Variants in CBFA2T3 observed in about 807,000 individuals in gnomAD.
CBFA2T3 encodes the protein transcriptional corepressor CBFA2T3.
CBFA2T3 carries 31 observed loss-of-function variants against 58.6 expected under a neutral mutation model. That is an observed-to-expected ratio of 0.53 (90% CI 0.40 to 0.71). The LOEUF is 0.71. Among genes scored for constraint, CBFA2T3 ranks in the 30% least tolerant of loss-of-function variants. CBFA2T3 has a pLI of 0.00. For missense variants in CBFA2T3, 1,076 were observed against 963.1 expected (o/e 1.12, Z -1.55); for synonymous variants, 531 against 421.9 (o/e 1.26, Z -3.17).
intron 5 of CBFA2T3, among the ~76,000 whole-genome samples, chr16:88,890,659 G>C (rs1020352438): frequency 6.6e-6 from 1 of 152,228 alleles, no homozygotes; most frequent in African/African-American, 2.4e-5. Context: ...TGCCCGTCCC[G>C]TCTGTGTGTG....
At chr16:88,889,998 GGAC>G (rs1226484836) in intron 5 of CBFA2T3, among the ~76,000 whole-genome samples, 1 of 145,286 alleles carries the variant, frequency 6.9e-6, no homozygotes, top group Non-Finnish European at 1.5e-5. Flanking sequence ...CTCCTCCAGG[GGAC>G]GTTTCAAATC....
At chr16:88,890,702 CTTCATTCATTCA>C (rs58270745) in intron 5 of CBFA2T3, among the ~76,000 whole-genome samples, 12 of 151,376 alleles carry the variant, frequency 7.9e-5, no homozygotes, top group African/African-American at 2.4e-4. Context: ...GAATCACTGG[CTTCATTCATTCA>C]TTCATTCATT....
intron 1 of CBFA2T3, among the ~76,000 whole-genome samples, chr16:88,975,826 C>T (rs1972845035): frequency 6.6e-6 from 1 of 152,236 alleles, no homozygotes. Context: ...TGGGGACACC[C>T]CTCGGTCCCG....
intron 1 of CBFA2T3, among the ~76,000 whole-genome samples, chr16:88,912,892 G>C (rs530574363): frequency 6.6e-6 from 1 of 152,220 alleles, no homozygotes; most frequent in African/African-American, 2.4e-5. Flanking sequence ...CACACCTCCC[G>C]GGGGTGCGTC....
At chr16:88,944,434 C>T (rs115138143) in intron 1 of CBFA2T3, among the ~76,000 whole-genome samples, 4 of 152,162 alleles carry the variant, frequency 2.6e-5, no homozygotes, top group South Asian at 2.1e-4. Flanking sequence ...TCTGGTGCCC[C>T]GATCACACAC....
chr16:88,901,029 T>C (rs533581), intron 2 of CBFA2T3, among the ~76,000 whole-genome samples: 63,279 of 152,248 alleles, frequency 0.42, 13,916 homozygotes, highest in African/African-American at 0.55. Context: ...AGGCCAGAGC[T>C]GCCTCTGTGG....
chr16:88,905,512 C>T (rs952298705), intron 1 of CBFA2T3, among the ~76,000 whole-genome samples: 14 of 151,812 alleles, frequency 9.2e-5, no homozygotes, highest in African/African-American at 3.1e-4. Context: ...CTTGACTGGG[C>T]CCCCCAGGAT....
chr16:88,910,246 A>G (rs1188940594), intron 1 of CBFA2T3, among the ~76,000 whole-genome samples: 2 of 152,160 alleles, frequency 1.3e-5, no homozygotes, highest in African/African-American at 4.8e-5. Context: ...CCTTTGCTGC[A>G]GGCTGCCTCC....
chr16:88,901,784 G>C (rs994598808), intron 1 of CBFA2T3, 128 bp from the exon 2 acceptor site: 1 of 779,146 alleles, frequency 1.3e-6, no homozygotes, highest in Admixed American at 4.1e-5. Flanking sequence ...TCTGCCCCAG[G>C]TGTCCTGACA....
At chr16:88,961,205 C>T (rs534509552) in intron 1 of CBFA2T3, among the ~76,000 whole-genome samples, 8 of 152,256 alleles carry the variant, frequency 5.3e-5, no homozygotes, top group African/African-American at 1.7e-4. Flanking sequence ...CTGTGGATGC[C>T]GCCAGAGCCC....
At chr16:88,902,816 C>T (rs780876133) in intron 1 of CBFA2T3, among the ~76,000 whole-genome samples, 4 of 152,096 alleles carry the variant, frequency 2.6e-5, no homozygotes, top group Non-Finnish European at 5.9e-5. Context: ...TGCTGAATAC[C>T]GGACTGCCCC....
intron 3 of CBFA2T3, among the ~76,000 whole-genome samples, chr16:88,896,302 C>A (rs1162612195): frequency 6.6e-6 from 1 of 152,214 alleles, no homozygotes; most frequent in African/African-American, 2.4e-5. Flanking sequence ...CTGCTCCCCT[C>A]AACCGGGCAA....
At chr16:88,916,412 G>A (rs1471291765) in intron 1 of CBFA2T3, among the ~76,000 whole-genome samples, 4 of 146,604 alleles carry the variant, frequency 2.7e-5, no homozygotes, top group African/African-American at 9.8e-5. Flanking sequence ...GTATTCATGC[G>A]TGTGCATGGC....
Position 88,898,112 on chromosome 16 carries a change from A to G in CBFA2T3, c.345T>C (p.Phe115=), listed in dbSNP as rs374958635. Residue 115 remains phenylalanine, a synonymous_variant, in exon 3 of 12, where the codon TTT becomes TTC. Coordinates refer to ENST00000268679, the MANE Select transcript of CBFA2T3 (RefSeq NM_005187.6). The part of the protein sequence containing the change: ...DGPATLPHGR[F]HGCLKWSMVC... ...CCATAGACCATTTTAAGCAGCCATG[A>G]AAACGGCCGTGGGGCAGCGTCGCAG... The G allele has an allele frequency of 1.4e-5, 22 of 1,613,266 alleles. No homozygotes were observed. Among genetic ancestry groups the G allele is most frequent in the Non-Finnish European group, 1.9e-5 (22 of 1,179,870 alleles).
intron 11 of CBFA2T3, 33 bp from the exon 12 acceptor site, chr16:88,877,308 G>A (rs947608073): frequency 1.9e-5 from 28 of 1,510,934 alleles, no homozygotes; most frequent in Non-Finnish European, 2.4e-5. Flanking sequence ...GTCAGGGCTG[G>A]GTCTGGCCAC....
intron 5 of CBFA2T3, among the ~76,000 whole-genome samples, chr16:88,890,126 C>T (rs1005992885): frequency 2.0e-5 from 3 of 152,100 alleles, no homozygotes; most frequent in Admixed American, 6.5e-5. Flanking sequence ...CGATGCCCCG[C>T]GTGAATCTAG....
At chr16:88,895,334 AC>A (rs1321812274) in intron 3 of CBFA2T3, among the ~76,000 whole-genome samples, 1 of 151,904 alleles carries the variant, frequency 6.6e-6, no homozygotes, top group East Asian at 1.9e-4. Context: ...TGAGGCTCCC[AC>A]CTTCCCGACC....
chr16:88,881,452 C>T lies in CBFA2T3; in HGVS notation c.1241G>A (p.Arg414Gln), dbSNP rs757681495. The T allele has an allele frequency of 2.0e-5, 32 of 1,609,618 alleles. No individual in the cohort carries two copies. Among genetic ancestry groups the T allele is most frequent in the East Asian group, 1.6e-4 (7 of 44,826 alleles). Reference protein sequence around the residue: ...NCIMDMVEKTRRSLTVLRRCQ... With the variant: ...NCIMDMVEKTQRSLTVLRRCQ... ...CCTGCGCAGCACCGTGAGCGAGCGC[C>T]GCGTCTTCTCCACCATGTCCATGAT... Residue 414 changes from arginine (R) to glutamine (Q), a missense_variant, in exon 9 of 12, where the codon CGG (arginine) becomes CAG (glutamine). Arg to Gln is a conservative substitution (Grantham distance 43, BLOSUM62 1). Transcript: ENST00000268679.
chr16:88,904,052 C>G (rs1415903243), intron 1 of CBFA2T3, among the ~76,000 whole-genome samples: 1 of 152,230 alleles, frequency 6.6e-6, no homozygotes, highest in African/African-American at 2.4e-5. Flanking sequence ...CATGCCACGG[C>G]GCAAGGAGTC....
Sources: allele counts gnomAD v4.1 joint callset (sites outside exome capture counted in the v4.1 genomes callset), GRCh38; gene constraint gnomAD v4.1.1; transcripts MANE v1.5; gene names NCBI Gene and HGNC (gene_info 2026-07-23, HGNC 2026-07-21).